C3orf20: variants seen among roughly 807,000 people sequenced by gnomAD.
C3orf20 encodes family with sequence similarity 149 member C.
C3orf20 carries 76 observed loss-of-function variants against 88.3 expected under a neutral mutation model. The ratio of observed to expected loss-of-function variants is 0.86; its 90% confidence interval spans 0.72 to 1.04. The LOEUF is 1.04. Among genes scored for constraint, C3orf20 ranks in the 50% least tolerant of loss-of-function variants. C3orf20 has a pLI of 0.00. For missense variants in C3orf20, 1,056 were observed against 1,123.3 expected, an observed-to-expected ratio of 0.94 and a Z score of 0.86; for synonymous variants, 436 against 437.4, an observed-to-expected ratio of 1.00 and a Z score of 0.04.
At position 14,703,268 on chromosome 3, in the gene C3orf20, C is replaced by G; in HGVS notation, c.878+6C>G. On this transcript the variant is annotated splice_donor_region_variant and intron_variant, in intron 6 of 16. Transcript: ENST00000253697. ...CAGGAGTTGTGTCGCCACATGTGAG[C>G]ACCTCAGTGCTTGGGTCGGGGGAGT... 6.2e-7 allele frequency: 1 copy of G among 1,614,012 alleles called. No individual in the cohort carries two copies. The highest frequency in any genetic ancestry group is 8.5e-7 in the Non-Finnish European group (1 of 1,180,010).
chr3:14,675,723 A>G (rs2031730390), intron 1 of C3orf20, among the ~76,000 whole-genome samples: 1 of 151,330 alleles, frequency 6.6e-6, no homozygotes, highest in African/African-American at 2.4e-5. Flanking sequence ...ATTTTTGGAG[A>G]TGGAGTCCCG....
chr3:14,770,359 T>C (rs1219251409), intron 15 of C3orf20, among the ~76,000 whole-genome samples: 1 of 152,172 alleles, frequency 6.6e-6, no homozygotes, highest in East Asian at 1.9e-4. Context: ...CATTTCTTGG[T>C]GTTTAGTTTT....
chr3:14,770,007 C>T (rs112526575), intron 15 of C3orf20, among the ~76,000 whole-genome samples: 2,560 of 152,278 alleles, frequency 0.017, 60 homozygotes, highest in African/African-American at 0.057. Flanking sequence ...ACTCCTCAAG[C>T]ACTCAACACC....
chr3:14,772,152 T>C lies in C3orf20; in HGVS notation c.2581T>C (p.Leu861=), dbSNP rs139948089. The C allele has an allele frequency of 9.3e-6, 15 of 1,614,226 alleles. No individual in the cohort carries two copies. The highest frequency in any genetic ancestry group is 6.6e-5 in the South Asian group (6 of 91,078). The change falls in exon 16 of 17, where the codon TTG becomes CTG. Residue 861 remains leucine (L), a synonymous_variant. Transcript: ENST00000253697. The surrounding 1 kb of genome is among the most constrained non-coding windows in gnomAD (Gnocchi z 4.2). ...AGATATCCAAGGAAGCAGCTCCTCA[T>C]TGGCCCTGGAAGACTATGTGGAGAA... ...SEDIQGSSSS[L]ALEDYVEKEL...
At chr3:14,691,530 G>A (rs2032730796) in intron 5 of C3orf20, among the ~76,000 whole-genome samples, 1 of 152,228 alleles carries the variant, frequency 6.6e-6, no homozygotes, top group Non-Finnish European at 1.5e-5. Flanking sequence ...TCCCCTTTCT[G>A]TGGTTTCAGT....
At chr3:14,688,956 C>G (rs1490745700) in intron 4 of C3orf20, among the ~76,000 whole-genome samples, 1 of 152,068 alleles carries the variant, frequency 6.6e-6, no homozygotes, top group African/African-American at 2.4e-5. Flanking sequence ...TACCGAAATG[C>G]TTAGGTTTCC....
intron 15 of C3orf20, among the ~76,000 whole-genome samples, chr3:14,770,312 G>A (rs530043716): frequency 9.2e-5 from 14 of 152,298 alleles, no homozygotes; most frequent in Admixed American, 3.9e-4. Context: ...ACATGTAAAC[G>A]TTGTGCATAC....
chr3:14,727,628 T>G (rs2034399659), intron 11 of C3orf20, among the ~76,000 whole-genome samples: 1 of 152,144 alleles, frequency 6.6e-6, no homozygotes, highest in South Asian at 2.1e-4. Flanking sequence ...GGGGCTGTGC[T>G]TCCCCCACTG....
chr3:14,707,197 C>T (rs1158396718), intron 7 of C3orf20, among the ~76,000 whole-genome samples: 5 of 134,594 alleles, frequency 3.7e-5, no homozygotes, highest in African/African-American at 8.6e-5. Context: ...TGCAGTGAGC[C>T]GAGATCGAGC....
chr3:14,771,960 G>C, intron 15 of C3orf20, 107 bp from the exon 16 acceptor site: 1 of 1,418,054 alleles, frequency 7.1e-7, no homozygotes, highest in Non-Finnish European at 9.7e-7. Flanking sequence ...CCCTCAGGAG[G>C]AGAAGCACTT....
chr3:14,764,578 T>C (rs768415047), intron 15 of C3orf20, among the ~76,000 whole-genome samples: 41 of 152,056 alleles, frequency 2.7e-4, no homozygotes, highest in Admixed American at 1.2e-3. Flanking sequence ...CTCAGCTAAG[T>C]GGTTCTTGTT....
At position 14,738,164 on chromosome 3, in the gene C3orf20, CTT is replaced by C. The variant is rs35948176; in HGVS notation, c.1940+9496_1940+9497del. On this transcript the variant is annotated intron_variant, in intron 12 of 16. Transcript: ENST00000253697. ...GACCTCCCATGAATCACAAATATTC[CTT>C]TTTTTTTTTTTTTTTTTTTGAGGCA... Among the ~76,000 whole-genome samples the C allele has an allele frequency of 3.6e-3, 388 of 107,322 alleles. 3 individuals carry two copies. The highest frequency in any genetic ancestry group is 0.014 in the African/African-American group (362 of 25,870). 70.4% of individuals were successfully genotyped at this position (107,322 alleles called of 152,430 possible).
At position 14,703,124 on chromosome 3, in the gene C3orf20, C is replaced by T; in HGVS notation, c.746-6C>T. 6.2e-7 allele frequency: 1 copy of T among 1,614,150 alleles called. No homozygotes were observed. The highest frequency in any genetic ancestry group is 1.3e-5 in the African/African-American group (1 of 75,052). ...ATCTCTCTAACTTCTTGCCCTCCAA[C>T]TACAGGCAAATCTAGAACTACAGAA... On this transcript the variant is annotated splice_region_variant and splice_polypyrimidine_tract_variant and intron_variant, in intron 5 of 16. Coordinates refer to ENST00000253697, the MANE Select transcript of C3orf20 (RefSeq NM_032137.5).
At chr3:14,746,242 A>C (rs2035053815) in intron 12 of C3orf20, among the ~76,000 whole-genome samples, 1 of 152,226 alleles carries the variant, frequency 6.6e-6, no homozygotes, top group African/African-American at 2.4e-5. Context: ...AATGTTACAT[A>C]TTGTTTGGAA....
intron 7 of C3orf20, among the ~76,000 whole-genome samples, chr3:14,712,182 GCACACACACA>G (rs1198777411): frequency 1.9e-3 from 42 of 22,470 alleles, no homozygotes; most frequent in South Asian, 3.4e-3. Flanking sequence ...ACGCGCGCGC[GCACACACACA>G]CACACACACA....
At chr3:14,731,455 C>T (rs6442473) in intron 12 of C3orf20, among the ~76,000 whole-genome samples, 134,634 of 152,176 alleles carry the variant, frequency 0.88, 59,659 homozygotes, top group Non-Finnish European at 0.91. Flanking sequence ...AATGGAAGGA[C>T]ACATGATATG....
chr3:14,738,728 G>T (rs1048946929), intron 12 of C3orf20, among the ~76,000 whole-genome samples: 4 of 110,992 alleles, frequency 3.6e-5, no homozygotes, highest in African/African-American at 1.3e-4. Context: ...GCAACCTCCG[G>T]CTCCTGGGTT....
chr3:14,764,507 A>ATTATTGTTG lies in C3orf20; in HGVS notation c.2495+2894_2495+2895insATTGTTGTT, dbSNP rs1286567408. Among the ~76,000 whole-genome samples the ATTATTGTTG allele has an allele frequency of 5.0e-3, 660 of 132,818 alleles. 5 individuals are homozygous for ATTATTGTTG. The highest frequency in any genetic ancestry group is 0.019 in the African/African-American group (608 of 32,768). 87.1% of individuals were successfully genotyped at this position (132,818 alleles called of 152,430 possible). On this transcript the variant is annotated intron_variant, in intron 15 of 16. Coordinates refer to ENST00000253697, the MANE Select transcript of C3orf20 (RefSeq NM_032137.5). Reference sequence around the variant, plus strand: ...TATTATTATTATTATTATTATTATTATTGTTGTTGTTGTTGTTGTTGTTGT... The same window carrying ATTATTGTTG: ...TATTATTATTATTATTATTATTATTATTATTGTTGTTGTTGTTGTTGTTGTTGTTGTTGT...
chr3:14,741,576 C>G (rs1393891024), intron 12 of C3orf20, among the ~76,000 whole-genome samples: 2 of 152,112 alleles, frequency 1.3e-5, no homozygotes, highest in Non-Finnish European at 2.9e-5. Flanking sequence ...TCTAAAATAC[C>G]CTAAGTCAGC....
Sources: gnomAD v4.1 joint callset for allele counts (sites outside exome capture counted in the v4.1 genomes callset) on GRCh38, gnomAD v4.1.1 for gene constraint, Gnocchi (gnomAD v3.1) non-coding constraint, MANE v1.5 for transcripts, NCBI Gene and HGNC (gene_info 2026-07-23, HGNC 2026-07-21) for gene names.